Variants in STXBP4 observed in about 807,000 individuals in gnomAD.
STXBP4 encodes syntaxin-binding protein 4.
In STXBP4, 55 loss-of-function variants were observed where a neutral mutation model predicts 76.1. That is an observed-to-expected ratio of 0.72 (90% confidence interval 0.58 to 0.91). The LOEUF (loss-of-function observed/expected upper bound fraction) is 0.91, where lower values mean the gene tolerates loss of function less well. STXBP4 is among the 40% of genes least tolerant of loss of function. The pLI is 0.00. For missense variants in STXBP4, 618 were observed against 636.9 expected, an observed-to-expected ratio of 0.97 and a Z score of 0.32; for synonymous variants, 201 against 220.2, an observed-to-expected ratio of 0.91 and a Z score of 0.77.
Position 55,172,389 on chromosome 17 carries a change from C to G in STXBP4, c.*12478C>G, listed in dbSNP as rs1414072166. On this transcript the variant is annotated 3_prime_UTR_variant, in exon 18 of 18. Transcript: ENST00000376352. The stretch of plus-strand genomic sequence containing the variant: ...GTGTAGCCAAGGTTCACTGCCATAG[C>G]CTGTCCTGGAATGCAGGTAACTAAA... 3 of 152,160 alleles carry G rather than the reference C, an allele frequency of 2.0e-5. No homozygotes were observed. Among genetic ancestry groups the G allele is most frequent in the African/African-American group, 4.8e-5 (2 of 41,434 alleles). The allele number at this position is 152,160 out of a possible 1,614,324, so 9.4% of individuals were successfully genotyped here.
At chr17:55,153,089 G>A (rs1315742307) in intron 17 of STXBP4, among the ~76,000 whole-genome samples, 1 of 152,026 alleles carries the variant, frequency 6.6e-6, no homozygotes, top group Non-Finnish European at 1.5e-5. Context: ...TTCATGACCT[G>A]GAATAAGTTA....
chr17:55,045,451 G>A (rs2078772649), intron 11 of STXBP4, among the ~76,000 whole-genome samples: 1 of 151,880 alleles, frequency 6.6e-6, no homozygotes, highest in Admixed American at 6.6e-5. Context: ...AATTTTCAGA[G>A]GCTCTCAGAT....
At chr17:55,061,463 G>A (rs2078994113) in intron 12 of STXBP4, among the ~76,000 whole-genome samples, 2 of 152,234 alleles carry the variant, frequency 1.3e-5, no homozygotes, top group South Asian at 4.1e-4. Context: ...GAGGGAAAAA[G>A]AAGAAAAATA....
At chr17:55,185,272 TCTCCTTCTCCTTCTCCTTCTC>T in the STXBP4 span, among the ~76,000 whole-genome samples, 1 of 59,140 alleles carries the variant, frequency 1.7e-5, no homozygotes, top group African/African-American at 7.7e-5. Flanking sequence ...TCCTTCTCCT[TCTCCTTCTCCTTCTCCTTCTC>T]CTTCTCCTTC....
chr17:55,137,028 G>A (rs2080036364), intron 16 of STXBP4, among the ~76,000 whole-genome samples: 1 of 152,008 alleles, frequency 6.6e-6, no homozygotes, highest in South Asian at 2.1e-4. Flanking sequence ...AACCCCCTAA[G>A]CTAGAATGGT....
chr17:55,210,779 T>C, the STXBP4 span, among the ~76,000 whole-genome samples: 2 of 152,226 alleles, frequency 1.3e-5, no homozygotes, highest in Non-Finnish European at 2.9e-5. Flanking sequence ...TATGCATAAA[T>C]ATGGGCCCTG....
At chr17:55,123,096 G>C (rs1481887156) in intron 16 of STXBP4, among the ~76,000 whole-genome samples, 1 of 152,086 alleles carries the variant, frequency 6.6e-6, no homozygotes, top group Non-Finnish European at 1.5e-5. Flanking sequence ...AAGAAGAAAA[G>C]TATGCTCAAA....
chr17:55,003,932 G>A (rs756128494), intron 7 of STXBP4, among the ~76,000 whole-genome samples: 3 of 151,992 alleles, frequency 2.0e-5, no homozygotes, highest in Admixed American at 6.6e-5. Flanking sequence ...AGAACTTTGG[G>A]AGGCTGAGAC....
chr17:55,200,077 A>G, the STXBP4 span, among the ~76,000 whole-genome samples: 2 of 152,152 alleles, frequency 1.3e-5, no homozygotes, highest in Non-Finnish European at 2.9e-5. Context: ...TGTTGCACTG[A>G]CCACAGTTTG....
intron 7 of STXBP4, among the ~76,000 whole-genome samples, chr17:55,003,824 T>TA (rs1440179742): frequency 6.6e-6 from 1 of 152,108 alleles, no homozygotes; most frequent in Admixed American, 6.5e-5. Flanking sequence ...GAATAACACA[T>TA]GAGTTTGTAA....
At chr17:55,075,086 G>A (rs1048050200) in intron 13 of STXBP4, among the ~76,000 whole-genome samples, 2 of 151,424 alleles carry the variant, frequency 1.3e-5, no homozygotes, top group Admixed American at 6.6e-5. Flanking sequence ...TTCAACATAA[G>A]AAATAAAACA....
At chr17:54,991,058 A>G in intron 4 of STXBP4, 101 bp downstream of exon 4, 1 of 1,265,456 alleles carries the variant, frequency 7.9e-7, no homozygotes, top group Non-Finnish European at 1.0e-6. Context: ...ATCCACTGTG[A>G]CCATACCTCA....
intron 16 of STXBP4, among the ~76,000 whole-genome samples, chr17:55,091,355 AT>A (rs926681726): frequency 6.6e-6 from 1 of 151,552 alleles, no homozygotes; most frequent in African/African-American, 2.4e-5. Flanking sequence ...ACCTGTTACT[AT>A]TTTTTTTGCA....
chr17:55,039,591 A>G (rs2078663145), intron 10 of STXBP4, among the ~76,000 whole-genome samples: 1 of 152,112 alleles, frequency 6.6e-6, no homozygotes, highest in Non-Finnish European at 1.5e-5. Context: ...AAAGATAGTA[A>G]AGAACTAAAG....
At chr17:54,985,048 C>T (rs2077607388) in intron 1 of STXBP4, among the ~76,000 whole-genome samples, 1 of 152,104 alleles carries the variant, frequency 6.6e-6, no homozygotes, top group South Asian at 2.1e-4. Flanking sequence ...ATATATGTGC[C>T]AAGGTCAAGA....
At chr17:55,055,833 A>G (rs1259915947) in intron 12 of STXBP4, among the ~76,000 whole-genome samples, 2 of 152,156 alleles carry the variant, frequency 1.3e-5, no homozygotes, top group Admixed American at 1.3e-4. Flanking sequence ...TAGTATAACT[A>G]TTACTATCTT....
chr17:55,105,142 A>G (rs982635272), intron 16 of STXBP4, among the ~76,000 whole-genome samples: 3 of 151,816 alleles, frequency 2.0e-5, no homozygotes, highest in Non-Finnish European at 4.4e-5. Context: ...CTCTGATCTT[A>G]GTTATTTCTT....
At position 55,043,278 on chromosome 17, in the gene STXBP4, C is replaced by T; in HGVS notation, c.898C>T (p.Leu300Phe). The T allele has an allele frequency of 1.3e-6, 2 of 1,542,996 alleles. No individual in the cohort carries two copies. Among genetic ancestry groups the T allele is most frequent in the Non-Finnish European group, 1.7e-6 (2 of 1,147,212 alleles). Residue 300 changes from leucine (L) to phenylalanine (F), a missense_variant, in exon 11 of 18, where the codon CTC (leucine) becomes TTC (phenylalanine). Coordinates refer to ENST00000376352, the MANE Select transcript of STXBP4 (RefSeq NM_178509.6). ...DSSEADEMERLKCERDDALKE... is the reference protein window; with the variant it reads ...DSSEADEMERFKCERDDALKE... Reference sequence around the variant, plus strand: ...TTCAGAAGCAGATGAAATGGAAAGGCTCAAGTGTGAAAGAGATGATGCCTT... The same window carrying T: ...TTCAGAAGCAGATGAAATGGAAAGGTTCAAGTGTGAAAGAGATGATGCCTT...
intron 16 of STXBP4, among the ~76,000 whole-genome samples, chr17:55,113,171 T>C (rs997948124): frequency 2.0e-5 from 3 of 151,280 alleles, no homozygotes; most frequent in African/African-American, 7.3e-5. Flanking sequence ...GTATAGGATA[T>C]TGTATATTGA....
Sources: allele counts gnomAD v4.1 joint callset (sites outside exome capture counted in the v4.1 genomes callset), GRCh38; gene constraint gnomAD v4.1.1; transcripts MANE v1.5; gene names NCBI Gene and HGNC (gene_info 2026-07-23, HGNC 2026-07-21).